RIT2: variants seen among roughly 807,000 people sequenced by gnomAD.
RIT2 encodes GTP-binding protein Rit2.
A neutral mutation model predicts 23.7 loss-of-function variants in RIT2; 24 were observed. The observed-to-expected ratio is 1.01, with a 90% confidence interval of 0.73 to 1.43. RIT2 has a LOEUF of 1.43. RIT2 is among the 40% of genes most tolerant of loss of function. The probability of loss-of-function intolerance (pLI) is 0.00; values close to 1 mark genes in which losing one functional copy is unlikely to be tolerated. For missense variants in RIT2, 236 were observed against 266.9 expected (o/e 0.88, Z 0.81); for synonymous variants, 107 against 91.1 (o/e 1.17, Z -0.99).
At chr18:42,933,843 C>A (rs546238262) in intron 3 of RIT2, among the ~76,000 whole-genome samples, 2 of 151,702 alleles carry the variant, frequency 1.3e-5, no homozygotes, top group Non-Finnish European at 2.9e-5. Flanking sequence ...CATGGTGAAA[C>A]CCTGTCTCTA....
chr18:42,786,796 C>T (rs1200205003), intron 4 of RIT2, among the ~76,000 whole-genome samples: 1 of 152,072 alleles, frequency 6.6e-6, no homozygotes, highest in Admixed American at 6.6e-5. Flanking sequence ...CCTTTCTTTC[C>T]ATTTATCAAA....
chr18:42,804,991 C>G (rs1283836702), intron 4 of RIT2, among the ~76,000 whole-genome samples: 2 of 152,096 alleles, frequency 1.3e-5, no homozygotes, highest in African/African-American at 2.4e-5. Flanking sequence ...TTTTAAAAAG[C>G]AAAAGCACAG....
intron 4 of RIT2, among the ~76,000 whole-genome samples, chr18:42,762,367 A>T (rs190859237): frequency 3.6e-4 from 55 of 152,352 alleles, no homozygotes; most frequent in African/African-American, 1.2e-3. Context: ...AAGAAAAATG[A>T]GTATATGGTT....
intron 4 of RIT2, among the ~76,000 whole-genome samples, chr18:42,769,329 C>T (rs1220854181): frequency 6.6e-6 from 1 of 151,910 alleles, no homozygotes; most frequent in Non-Finnish European, 1.5e-5. Context: ...TGAATGGGTC[C>T]TAACATAGTT....
chr18:42,959,339 C>T (rs939200230), intron 3 of RIT2, among the ~76,000 whole-genome samples: 10 of 152,134 alleles, frequency 6.6e-5, no homozygotes, highest in Non-Finnish European at 1.5e-4. Flanking sequence ...TTTTATAAGA[C>T]TTCTTTAAAA....
At chr18:43,059,218 C>T (rs1310496706) in intron 1 of RIT2, among the ~76,000 whole-genome samples, 6 of 152,010 alleles carry the variant, frequency 3.9e-5, no homozygotes, top group African/African-American at 7.2e-5. Flanking sequence ...GTTTTATATA[C>T]ATCACCTCGT....
At chr18:43,035,913 A>T (rs1164318347) in intron 1 of RIT2, among the ~76,000 whole-genome samples, 2 of 152,182 alleles carry the variant, frequency 1.3e-5, no homozygotes, top group Non-Finnish European at 2.9e-5. Context: ...TCTGGCTCTG[A>T]TTTTCTTTAA....
intron 3 of RIT2, among the ~76,000 whole-genome samples, chr18:42,957,510 A>G (rs1227738436): frequency 1.3e-5 from 2 of 152,120 alleles, no homozygotes; most frequent in Non-Finnish European, 2.9e-5. Context: ...CAATTCACGT[A>G]AATTAAATAA....
intron 4 of RIT2, among the ~76,000 whole-genome samples, chr18:42,792,852 C>T (rs1914073690): frequency 6.6e-6 from 1 of 152,058 alleles, no homozygotes; most frequent in Admixed American, 6.6e-5. Context: ...GAATAATTGC[C>T]TCACTAATGT....
At chr18:42,872,972 G>T (rs1385236306) in intron 4 of RIT2, among the ~76,000 whole-genome samples, 1 of 152,008 alleles carries the variant, frequency 6.6e-6, no homozygotes, top group African/African-American at 2.4e-5. Flanking sequence ...TGTGAGTATC[G>T]CCATGGCTCT....
intron 4 of RIT2, among the ~76,000 whole-genome samples, chr18:42,852,777 C>T (rs960112656): frequency 7.3e-6 from 1 of 136,238 alleles, no homozygotes; most frequent in African/African-American, 2.7e-5. Flanking sequence ...CCCTCCCTCC[C>T]TCTCTCCCTC....
chr18:43,085,040 A>G (rs1913248795), intron 1 of RIT2, among the ~76,000 whole-genome samples: 2 of 152,244 alleles, frequency 1.3e-5, no homozygotes, highest in Non-Finnish European at 2.9e-5. Context: ...AGGAAAGAGT[A>G]GGAAAGAGTA....
In RIT2 at chr18:43,093,772, T is replaced by C. The variant is rs1454449962; in HGVS notation, c.103+21645A>G. 2.0e-5 allele frequency among the ~76,000 whole-genome samples: 3 copies of C among 152,184 alleles called. No homozygotes were observed. In the East Asian group the frequency reaches 5.8e-4, roughly 29 times the overall value. On this transcript the variant is annotated intron_variant, in intron 1 of 4. Transcript: ENST00000326695. The stretch of plus-strand genomic sequence containing the variant: ...ACAACTGGGGAACTGGTGAAGGTCG[T>C]GAAAACTGTTGTGCCTCTCCGGTCA...
chr18:43,006,313 A>C (rs1277516922), intron 2 of RIT2, among the ~76,000 whole-genome samples: 1 of 151,600 alleles, frequency 6.6e-6, no homozygotes, highest in African/African-American at 2.4e-5. Context: ...GAAAGAAGGA[A>C]GAAGAAGAAA....
chr18:43,017,304 A>G (rs1265011491), intron 2 of RIT2, among the ~76,000 whole-genome samples: 1 of 152,012 alleles, frequency 6.6e-6, no homozygotes, highest in Non-Finnish European at 1.5e-5. Flanking sequence ...TCATGTCTAC[A>G]TGAATACTTT....
chr18:42,918,007 C>T (rs1047494702), intron 4 of RIT2, among the ~76,000 whole-genome samples: 1 of 152,142 alleles, frequency 6.6e-6, no homozygotes, highest in Non-Finnish European at 1.5e-5. Context: ...TGTATGTATG[C>T]ATGCATATTT....
At chr18:43,010,799 A>C (rs1911332684) in intron 2 of RIT2, among the ~76,000 whole-genome samples, 1 of 151,786 alleles carries the variant, frequency 6.6e-6, no homozygotes, top group Admixed American at 6.6e-5. Flanking sequence ...AGTTGTAAAC[A>C]GGTAACTGTG....
At chr18:42,927,435 G>T (rs942592388) in intron 3 of RIT2, among the ~76,000 whole-genome samples, 1 of 151,420 alleles carries the variant, frequency 6.6e-6, no homozygotes, top group African/African-American at 2.4e-5. Flanking sequence ...AGTAGAGGCT[G>T]ATGGGACTCA....
intron 2 of RIT2, among the ~76,000 whole-genome samples, chr18:43,020,263 T>A (rs1284526659): frequency 6.6e-6 from 1 of 152,000 alleles, no homozygotes; most frequent in Admixed American, 6.6e-5. Flanking sequence ...GGCAAACAGA[T>A]CACTTGCTAT....
Sources: allele counts gnomAD v4.1 joint callset (sites outside exome capture counted in the v4.1 genomes callset), GRCh38; gene constraint gnomAD v4.1.1; transcripts MANE v1.5; gene names NCBI Gene and HGNC (gene_info 2026-07-23, HGNC 2026-07-21).